GAD1: variants seen among roughly 807,000 people sequenced by gnomAD.
The protein encoded by GAD1 is 67 kDa glutamic acid decarboxylase.
A neutral mutation model predicts 75.2 loss-of-function variants in GAD1; 35 were observed. The ratio of observed to expected loss-of-function variants is 0.47; its 90% confidence interval spans 0.36 to 0.62. The LOEUF (loss-of-function observed/expected upper bound fraction) is 0.62. Among genes scored for constraint, GAD1 ranks in the 20% least tolerant of loss-of-function variants. The probability of loss-of-function intolerance (pLI) is 0.00; values close to 1 mark genes in which losing one functional copy is unlikely to be tolerated. For missense variants in GAD1, 490 were observed against 758.5 expected, an observed-to-expected ratio of 0.65 and a Z score of 4.16; for synonymous variants, 257 against 271.9, an observed-to-expected ratio of 0.95 and a Z score of 0.54.
rs527503441 is a variant in GAD1, at chr2:170,853,649, C to T, written c.1264-224C>T. 8.5e-5 allele frequency: 45 copies of T among 528,146 alleles called. No individual in the cohort carries two copies. Among genetic ancestry groups the T allele is most frequent in the African/African-American group, 3.4e-4 (18 of 52,536 alleles). The allele number at this position is 528,146 out of a possible 1,614,324, so 32.7% of individuals were successfully genotyped here. A position where few individuals can be genotyped will look rare whatever the true frequency, so the allele number is the denominator to read the frequency against. Reference sequence around the variant, plus strand: ...CCCCTTAGAGGGATGGCATCTGAGACGGAAAGATCATCTTCTAATCAGAGA... The same window carrying T: ...CCCCTTAGAGGGATGGCATCTGAGATGGAAAGATCATCTTCTAATCAGAGA... On this transcript the variant is annotated intron_variant, in intron 13 of 16. Transcript: ENST00000358196. The surrounding 1 kb of genome is among the most constrained non-coding windows in gnomAD (Gnocchi z 4.1).
At chr2:170,829,225 G>A in intron 3 of GAD1, 2 of 537,212 alleles carry the variant, frequency 3.7e-6, no homozygotes, top group Admixed American at 3.1e-5. Flanking sequence ...CATTCAGAGA[G>A]GAGAACGGGC....
chr2:170,834,655 T>C (rs1318354027), intron 5 of GAD1, among the ~76,000 whole-genome samples: 1 of 152,184 alleles, frequency 6.6e-6, no homozygotes. Context: ...ATAAACCTAA[T>C]GCCCTGCTTT....
At chr2:170,852,562 C>A in intron 12 of GAD1, 152 bp from the exon 13 acceptor site, 1 of 710,202 alleles carries the variant, frequency 1.4e-6, no homozygotes, top group African/African-American at 1.7e-5. Context: ...AGACTGCCTG[C>A]AAAACATTTG....
At chr2:170,843,696 G>T in intron 6 of GAD1, 5 of 160,864 alleles carry the variant, frequency 3.1e-5, no homozygotes, top group East Asian at 1.7e-4. Context: ...ATTAACATTT[G>T]CATTGTCCTA....
At chr2:170,832,941 G>A (rs924203969) in intron 5 of GAD1, among the ~76,000 whole-genome samples, 5 of 152,234 alleles carry the variant, frequency 3.3e-5, no homozygotes, top group African/African-American at 1.2e-4. Flanking sequence ...GCCCAGGAGT[G>A]ACACAGTGGT....
At chr2:170,840,604 AAAGG>A (rs1702488327) in intron 6 of GAD1, among the ~76,000 whole-genome samples, 1 of 135,092 alleles carries the variant, frequency 7.4e-6, no homozygotes, top group Non-Finnish European at 1.6e-5. Context: ...CAGAACTCAG[AAAGG>A]AAGGGAGGGA....
At chr2:170,820,806 C>A (rs1388868994) in intron 2 of GAD1, among the ~76,000 whole-genome samples, 1 of 152,240 alleles carries the variant, frequency 6.6e-6, no homozygotes, top group Non-Finnish European at 1.5e-5. Flanking sequence ...TGTAACCTCT[C>A]TGAGCCTCGA....
rs752431862 is a variant in GAD1 at position 170,858,857 on chromosome 2, G to A, written c.1575G>A (p.Val525=). The A allele has an allele frequency of 1.2e-6, 2 of 1,614,082 alleles. No homozygotes were observed. The highest frequency in any genetic ancestry group is 2.7e-5 in the African/African-American group (2 of 74,924). The change falls in exon 16 of 17, where the codon GTG becomes GTA. Residue 525 remains valine, a synonymous_variant. Coordinates refer to ENST00000358196, the MANE Select transcript of GAD1 (RefSeq NM_000817.3). The part of the protein sequence containing the change: ...FWYIPQSLRG[V]PDSPQRREKL... ...ATATTCCACAAAGCCTCAGGGGTGT[G>A]CCAGACAGCCCTCAACGACGGGAAA...
upstream of GAD1, among the ~76,000 whole-genome samples, chr2:170,813,622 C>T (rs192960732): frequency 4.2e-4 from 64 of 152,178 alleles, no homozygotes; most frequent in African/African-American, 1.5e-3. Context: ...TGAAGATCTC[C>T]CCGCAGCCCG....
rs1299759860 is a variant in GAD1 at position 170,852,774 on chromosome 2, C to A, written c.1245C>A (p.Ala415=). The A allele has an allele frequency of 1.9e-6, 3 of 1,614,120 alleles. No homozygotes were observed. Among genetic ancestry groups the A allele is most frequent in the Non-Finnish European group, 2.5e-6 (3 of 1,179,992 alleles). ...TGGGCGTGCTGTTGCAGTGCTCTGC[C>A]ATTCTCGTCAAGGAAAAGGTCTGTA... ...KMMGVLLQCS[A]ILVKEKGILQ... The change falls in exon 13 of 17, where the codon GCC becomes GCA. Residue 415 remains alanine (A), a synonymous_variant. Transcript: ENST00000358196.
chr2:170,825,495 C>T (rs545605270), intron 3 of GAD1, among the ~76,000 whole-genome samples: 23 of 152,380 alleles, frequency 1.5e-4, no homozygotes, highest in African/African-American at 5.5e-4. Context: ...TCAGCTCCCA[C>T]GTGCCCTGTT....
In GAD1 at chr2:170,845,509, G is replaced by A. The variant is rs749735425; in HGVS notation, c.755G>A (p.Gly252Asp). The change falls in exon 8 of 17, where the codon GGC becomes GAC. Residue 252 changes from glycine to aspartate, a missense_variant. By Grantham distance (94) the Gly-to-Asp change is moderately conservative (BLOSUM62 -1). Coordinates refer to ENST00000358196, the MANE Select transcript of GAD1 (RefSeq NM_000817.3). ...KDGDGIFSPG[G>D]AISNMYSIMA... is the part of the protein sequence containing the mutation. ...CAATATGTCCGCTTGCTGACAGGGG[G>A]CGCCATATCCAACATGTACAGCATC... 6.2e-7 allele frequency: 1 copy of A among 1,613,140 alleles called. No homozygotes were observed.
Position 170,853,783 on chromosome 2 carries a change from C to T in GAD1, c.1264-90C>T, listed in dbSNP as rs879148732. On this transcript the variant is annotated intron_variant, in intron 13 of 16. Transcript: ENST00000358196. This position sits in a 1 kb window ranked among gnomAD's most constrained non-coding sequence, Gnocchi z 4.1. ...TCAGAAGAAAGATTGCATATGACCC[C>T]AAGCCCCTCCTTCCAAGCAGCCTAG... 1 of 1,307,412 alleles carries T rather than the reference C, an allele frequency of 7.6e-7. No homozygotes were observed. Among genetic ancestry groups the T allele is most frequent in the Non-Finnish European group, 1.1e-6 (1 of 903,564 alleles). The allele number at this position is 1,307,412 out of a possible 1,614,324, so 81.0% of individuals were successfully genotyped here.
chr2:170,816,031 G>A (rs1559263633), upstream of GAD1: 2 of 144,250 alleles, frequency 1.4e-5, no homozygotes, highest in South Asian at 4.6e-4. Context: ...ATCGAAGGGG[G>A]AGCGGGCCAG....
intron 2 of GAD1, among the ~76,000 whole-genome samples, chr2:170,820,948 GTAT>G: frequency 6.6e-6 from 1 of 152,284 alleles, no homozygotes; most frequent in Admixed American, 6.5e-5. Flanking sequence ...TATCCGCCAG[GTAT>G]TATTAGGGTT....
At chr2:170,852,893 C>G (rs997216060) in intron 13 of GAD1, 101 bp downstream of exon 13, 1 of 1,003,796 alleles carries the variant, frequency 1.0e-6, no homozygotes, top group African/African-American at 1.6e-5. Context: ...GGCTGACTCA[C>G]GAGATTGGCA....
intron 7 of GAD1, 87 bp downstream of exon 7, chr2:170,844,244 T>A: frequency 2.4e-6 from 2 of 819,740 alleles, no homozygotes; most frequent in Non-Finnish European, 2.1e-6. Flanking sequence ...AATAATGCCT[T>A]AACATTTTTT....
At chr2:170,839,577 G>A (rs903055548) in intron 6 of GAD1, among the ~76,000 whole-genome samples, 2 of 149,450 alleles carry the variant, frequency 1.3e-5, no homozygotes, top group African/African-American at 2.5e-5. Flanking sequence ...CTATGCCACC[G>A]CACTCCAGCC....
At chr2:170,829,654 G>GC (rs1171679751) in intron 4 of GAD1, 21 bp downstream of exon 4, 1 of 1,596,598 alleles carries the variant, frequency 6.3e-7, no homozygotes, top group Non-Finnish European at 8.6e-7. Context: ...CCCCACTCCC[G>GC]CCCCATGCTA....
Sources: allele counts gnomAD v4.1 joint callset (sites outside exome capture counted in the v4.1 genomes callset), GRCh38; gene constraint gnomAD v4.1.1; non-coding constraint Gnocchi (gnomAD v3.1); transcripts MANE v1.5; gene names NCBI Gene and HGNC (gene_info 2026-07-23, HGNC 2026-07-21).